The following KCNIP4 variants were observed in gnomAD, a reference collection of about 807,000 sequenced individuals.
The protein encoded by KCNIP4 is Kv channel-interacting protein 4.
Under a neutral mutation model 34.0 loss-of-function variants are expected in KCNIP4, and 12 were observed. That is an observed-to-expected ratio of 0.35 (90% CI 0.23 to 0.57). The LOEUF (loss-of-function observed/expected upper bound fraction) is 0.57, where lower values mean the gene tolerates loss of function less well. Ranked by LOEUF, KCNIP4 falls within the 20% of genes least tolerant of loss-of-function variation. The pLI, the probability that KCNIP4 is intolerant of heterozygous loss-of-function variation, is 0.83. For synonymous variants in KCNIP4, 124 were observed against 102.2 expected (o/e 1.21, Z -1.29); for missense variants, 238 against 311.7 (o/e 0.76, Z 1.78).
chr4:21,677,047 C>A (rs1159990465), intron 1 of KCNIP4, among the ~76,000 whole-genome samples: 2 of 149,166 alleles, frequency 1.3e-5, no homozygotes, highest in Non-Finnish European at 3.0e-5. Flanking sequence ...TACAGAAGTA[C>A]CTTAAGATCA....
chr4:21,495,490 G>A (rs1732775827), intron 1 of KCNIP4, among the ~76,000 whole-genome samples: 1 of 152,048 alleles, frequency 6.6e-6, no homozygotes, highest in African/African-American at 2.4e-5. Flanking sequence ...ACAAGGATAT[G>A]GAAACAACCT....
intron 1 of KCNIP4, among the ~76,000 whole-genome samples, chr4:21,371,007 T>C (rs916423948): frequency 1.4e-5 from 2 of 138,714 alleles, no homozygotes; most frequent in Non-Finnish European, 3.0e-5. Flanking sequence ...AGCTCACAAA[T>C]ATGGTTGATG....
chr4:21,868,375 A>C (rs558417157), intron 1 of KCNIP4, among the ~76,000 whole-genome samples: 1 of 152,336 alleles, frequency 6.6e-6, no homozygotes, highest in East Asian at 1.9e-4. Flanking sequence ...ACTTTTATCT[A>C]TAATAACTAA....
intron 1 of KCNIP4, among the ~76,000 whole-genome samples, chr4:21,493,003 G>A (rs559806271): frequency 2.0e-5 from 3 of 152,132 alleles, no homozygotes; most frequent in African/African-American, 7.2e-5. Flanking sequence ...ATCTGGGCAG[G>A]AGAGGAGCTT....
intron 1 of KCNIP4, among the ~76,000 whole-genome samples, chr4:21,061,162 G>C (rs933641580): frequency 1.3e-5 from 2 of 152,100 alleles, no homozygotes; most frequent in African/African-American, 2.4e-5. Flanking sequence ...TTCTCTTAAA[G>C]ATTAACATTT....
chr4:20,914,027 G>A (rs1248932704), intron 1 of KCNIP4, among the ~76,000 whole-genome samples: 1 of 151,946 alleles, frequency 6.6e-6, no homozygotes, highest in Non-Finnish European at 1.5e-5. Context: ...TGTGGTGGTG[G>A]GTGCCTGTAA....
At chr4:21,713,754 C>A (rs1219603997) in intron 1 of KCNIP4, among the ~76,000 whole-genome samples, 1 of 152,102 alleles carries the variant, frequency 6.6e-6, no homozygotes, top group African/African-American at 2.4e-5. Context: ...TCCTACATGC[C>A]CTGCCCACAC....
chr4:21,136,112 T>G (rs1751476602), intron 1 of KCNIP4, among the ~76,000 whole-genome samples: 1 of 152,226 alleles, frequency 6.6e-6, no homozygotes, highest in African/African-American at 2.4e-5. Context: ...ACTGGCTGTG[T>G]AATTTAAAGT....
chr4:21,282,489 TG>T (rs1293858015), intron 1 of KCNIP4, among the ~76,000 whole-genome samples: 1 of 144,602 alleles, frequency 6.9e-6, no homozygotes, highest in African/African-American at 2.7e-5. Context: ...TGTGTGTGTG[TG>T]TGTGTAATGC....
At chr4:21,180,834 A>G (rs1222462978) in intron 1 of KCNIP4, among the ~76,000 whole-genome samples, 1 of 151,976 alleles carries the variant, frequency 6.6e-6, no homozygotes, top group African/African-American at 2.4e-5. Context: ...TGTAGTGAAT[A>G]CAATACTATG....
intron 1 of KCNIP4, among the ~76,000 whole-genome samples, chr4:21,290,719 G>A (rs924694287): frequency 2.6e-5 from 4 of 152,102 alleles, no homozygotes; most frequent in African/African-American, 7.2e-5. Context: ...AGGTGAGAGA[G>A]GAAACCAAGC....
intron 1 of KCNIP4, among the ~76,000 whole-genome samples, chr4:21,688,576 A>G (rs1404892950): frequency 2.6e-5 from 4 of 152,146 alleles, no homozygotes; most frequent in African/African-American, 4.8e-5. Context: ...ATAAATCAAT[A>G]TACATTACAG....
In KCNIP4 at chr4:21,456,213, A is replaced by G. The variant is rs986968503; in HGVS notation, c.61+492358T>C. Among the ~76,000 whole-genome samples the G allele has an allele frequency of 8.8e-5, 13 of 147,410 alleles. 1 individual carries two copies. The highest frequency in any genetic ancestry group is 1.8e-4 in the Non-Finnish European group (12 of 67,606). Reference sequence around the variant, plus strand: ...ACAGGGACATTAAGTAATTTCCCCAAATCCATACAGCAAAAATAAGGGCAG... The same window carrying G: ...ACAGGGACATTAAGTAATTTCCCCAGATCCATACAGCAAAAATAAGGGCAG... On this transcript the variant is annotated intron_variant, in intron 1 of 8. Transcript: ENST00000382152.
At chr4:21,584,946 T>A (rs931293620) in intron 1 of KCNIP4, among the ~76,000 whole-genome samples, 1 of 151,318 alleles carries the variant, frequency 6.6e-6, no homozygotes, top group Admixed American at 6.6e-5. Context: ...GAGTTTTATT[T>A]TATTTCATTT....
chr4:21,783,419 T>C (rs1414567164), intron 1 of KCNIP4, among the ~76,000 whole-genome samples: 1 of 152,048 alleles, frequency 6.6e-6, no homozygotes, highest in South Asian at 2.1e-4. Context: ...CAGGCCTAAA[T>C]ATAAATAATG....
intron 1 of KCNIP4, among the ~76,000 whole-genome samples, chr4:21,369,108 G>C (rs984897640): frequency 1.4e-5 from 2 of 147,010 alleles, no homozygotes; most frequent in Non-Finnish European, 2.9e-5. Flanking sequence ...GAATGGTCTT[G>C]AGAAATTAAG....
chr4:21,410,269 G>T (rs1724371367), intron 1 of KCNIP4, among the ~76,000 whole-genome samples: 1 of 152,192 alleles, frequency 6.6e-6, no homozygotes, highest in South Asian at 2.1e-4. Context: ...TTTTAAAATA[G>T]TTCTGCAAAT....
intron 1 of KCNIP4, among the ~76,000 whole-genome samples, chr4:21,097,070 C>A (rs1747522081): frequency 1.3e-5 from 2 of 152,086 alleles, no homozygotes; most frequent in Admixed American, 6.5e-5. Flanking sequence ...TATGACTATA[C>A]AACCCACCAA....
intron 1 of KCNIP4, among the ~76,000 whole-genome samples, chr4:21,230,982 G>C (rs1758747161): frequency 6.6e-6 from 1 of 152,152 alleles, no homozygotes; most frequent in African/African-American, 2.4e-5. Flanking sequence ...TCCACCAACA[G>C]TGTAAAAGCG....
Sources: allele counts gnomAD v4.1 joint callset (sites outside exome capture counted in the v4.1 genomes callset), GRCh38; gene constraint gnomAD v4.1.1; transcripts MANE v1.5; gene names NCBI Gene and HGNC (gene_info 2026-07-23, HGNC 2026-07-21).